The following LSAMP variants were observed in gnomAD, a reference collection of about 807,000 sequenced individuals.
LSAMP encodes limbic system associated membrane protein.
Under a neutral mutation model 38.6 loss-of-function variants are expected in LSAMP, and 7 were observed. That is an observed-to-expected ratio of 0.18 (90% CI 0.10 to 0.34). LSAMP has a LOEUF of 0.34. Among genes scored for constraint, LSAMP ranks in the 10% least tolerant of loss-of-function variants. The probability of loss-of-function intolerance (pLI) is 1.00; values close to 1 mark genes in which losing one functional copy is unlikely to be tolerated. For synonymous variants in LSAMP, 154 were observed against 166.8 expected, an observed-to-expected ratio of 0.92 and a Z score of 0.59; for missense variants, 313 against 420.0, an observed-to-expected ratio of 0.75 and a Z score of 2.23.
intron 1 of LSAMP, among the ~76,000 whole-genome samples, chr3:116,196,083 A>G (rs941853447): frequency 6.6e-6 from 1 of 152,206 alleles, no homozygotes; most frequent in African/African-American, 2.4e-5. Context: ...ACTGAGCCAT[A>G]AGGGTCAGTG....
chr3:116,037,910 CAGG>C (rs1941082845), intron 2 of LSAMP, among the ~76,000 whole-genome samples: 1 of 151,928 alleles, frequency 6.6e-6, no homozygotes, highest in Admixed American at 6.6e-5. Flanking sequence ...AGAAGTGAAC[CAGG>C]AGGACTAACC....
chr3:116,018,464 A>G (rs1190167575), intron 3 of LSAMP, among the ~76,000 whole-genome samples: 5 of 152,174 alleles, frequency 3.3e-5, no homozygotes, highest in African/African-American at 7.2e-5. Flanking sequence ...TAAAATGAAT[A>G]TGTTGTAACA....
At chr3:116,113,418 A>AT (rs1409685565) in intron 1 of LSAMP, among the ~76,000 whole-genome samples, 607 of 55,380 alleles carry the variant, frequency 0.011, 7 homozygotes, top group South Asian at 0.036. Context: ...ATATATATAT[A>AT]TATTTTTTTT....
At chr3:116,064,098 C>T (rs75887306) in intron 2 of LSAMP, among the ~76,000 whole-genome samples, 24,393 of 152,166 alleles carry the variant, frequency 0.16, 2,032 homozygotes, top group Admixed American at 0.22. Context: ...TAGAGCAAAT[C>T]TTATTAATAG....
chr3:115,822,558 C>T (rs1934279762), intron 6 of LSAMP, among the ~76,000 whole-genome samples: 1 of 152,028 alleles, frequency 6.6e-6, no homozygotes, highest in South Asian at 2.1e-4. Context: ...TGGAGTTTCT[C>T]CATGTTGGTC....
At chr3:115,951,930 A>G (rs1938304337) in intron 3 of LSAMP, among the ~76,000 whole-genome samples, 1 of 152,142 alleles carries the variant, frequency 6.6e-6, no homozygotes, top group South Asian at 2.1e-4. Flanking sequence ...CAATTCTCAA[A>G]AGAAGATATA....
intron 1 of LSAMP, among the ~76,000 whole-genome samples, chr3:116,223,117 A>C (rs573405699): frequency 6.6e-6 from 1 of 152,120 alleles, no homozygotes; most frequent in African/African-American, 2.4e-5. Context: ...AAATTAAGGA[A>C]GTTTTAGCCC....
intron 1 of LSAMP, among the ~76,000 whole-genome samples, chr3:116,298,108 A>G (rs2047360149): frequency 6.6e-6 from 1 of 152,094 alleles, no homozygotes; most frequent in Non-Finnish European, 1.5e-5. Flanking sequence ...GTGTCTGTCT[A>G]TCTATCTATA....
chr3:115,890,687 A>C (rs1024384630), intron 3 of LSAMP, among the ~76,000 whole-genome samples: 4 of 151,878 alleles, frequency 2.6e-5, no homozygotes, highest in African/African-American at 9.7e-5. Flanking sequence ...TGAAAATGAC[A>C]CCTCAGTAAA....
At chr3:116,411,460 G>A (rs1178043701) in intron 1 of LSAMP, among the ~76,000 whole-genome samples, 1 of 151,722 alleles carries the variant, frequency 6.6e-6, no homozygotes, top group Non-Finnish European at 1.5e-5. Context: ...AAAATGATGA[G>A]TTCATGTCCT....
At chr3:116,254,012 C>T (rs16824649) in intron 1 of LSAMP, among the ~76,000 whole-genome samples, 29,578 of 152,110 alleles carry the variant, frequency 0.19, 3,084 homozygotes, top group Admixed American at 0.23. Flanking sequence ...TATCTTCTAA[C>T]GTCCAGTAGC....
chr3:116,018,303 A>C (rs1342098891), intron 3 of LSAMP, among the ~76,000 whole-genome samples: 1 of 152,144 alleles, frequency 6.6e-6, no homozygotes, highest in African/African-American at 2.4e-5. Context: ...TTAGGATCTA[A>C]CATCAAAGAG....
At chr3:116,432,368 A>G (rs1028997737) in intron 1 of LSAMP, among the ~76,000 whole-genome samples, 1 of 151,702 alleles carries the variant, frequency 6.6e-6, no homozygotes, top group Non-Finnish European at 1.5e-5. Flanking sequence ...AAGGTCTTGT[A>G]TTCAAATACA....
intron 2 of LSAMP, among the ~76,000 whole-genome samples, chr3:116,056,150 C>A (rs746528329): frequency 6.6e-6 from 1 of 152,094 alleles, no homozygotes; most frequent in Non-Finnish European, 1.5e-5. Context: ...TATTTATTTA[C>A]TTTCATCCTA....
chr3:116,423,857 GA>G (rs1381841686), intron 1 of LSAMP, among the ~76,000 whole-genome samples: 1 of 151,996 alleles, frequency 6.6e-6, no homozygotes, highest in Non-Finnish European at 1.5e-5. Flanking sequence ...AAAAGAAGAG[GA>G]AATAGATTCA....
intron 1 of LSAMP, among the ~76,000 whole-genome samples, chr3:116,177,743 T>C (rs908111325): frequency 6.6e-5 from 10 of 152,166 alleles, no homozygotes; most frequent in African/African-American, 2.4e-4. Flanking sequence ...CTAGATGAGA[T>C]TGCCGTCAAA....
intron 1 of LSAMP, among the ~76,000 whole-genome samples, chr3:116,277,509 A>G (rs1330522423): frequency 1.3e-5 from 2 of 151,910 alleles, no homozygotes; most frequent in African/African-American, 4.8e-5. Flanking sequence ...GGCTGGGACC[A>G]CAGGCGCCCA....
At chr3:116,129,910 T>C (rs112680559) in intron 1 of LSAMP, among the ~76,000 whole-genome samples, 13 of 152,342 alleles carry the variant, frequency 8.5e-5, no homozygotes, top group African/African-American at 3.1e-4. Context: ...TGTGTTCATC[T>C]GGAGGGTGAT....
intron 1 of LSAMP, among the ~76,000 whole-genome samples, chr3:116,105,190 A>AG (rs1553704181): frequency 6.6e-6 from 1 of 151,746 alleles, no homozygotes; most frequent in Non-Finnish European, 1.5e-5. Flanking sequence ...AAAAAAAAAA[A>AG]CTGCCACAGC....
Sources: gnomAD v4.1 joint callset for allele counts (sites outside exome capture counted in the v4.1 genomes callset) on GRCh38, gnomAD v4.1.1 for gene constraint, MANE v1.5 for transcripts, NCBI Gene and HGNC (gene_info 2026-07-23, HGNC 2026-07-21) for gene names.